The following DHX36 variants were observed in gnomAD, a reference collection of about 807,000 sequenced individuals.
DHX36 encodes ATP-dependent DNA/RNA helicase DHX36.
Under a neutral mutation model 139.0 loss-of-function variants are expected in DHX36, and 50 were observed. The ratio of observed to expected loss-of-function variants is 0.36; its 90% CI spans 0.29 to 0.46. The LOEUF is 0.46. Among genes scored for constraint, DHX36 ranks in the 20% least tolerant of loss-of-function variants. The pLI is 1.00. For synonymous variants in DHX36, 425 were observed against 401.9 expected (o/e 1.06, Z -0.69); for missense variants, 1,024 against 1,211.3 (o/e 0.85, Z 2.29).
At chr3:154,319,028 T>C (rs1713092047) in intron 1 of DHX36, 1 of 152,178 alleles carries the variant, frequency 6.6e-6, no homozygotes, top group African/African-American at 2.4e-5. Context: ...GTATTTTTAA[T>C]GATGTTCTCC....
chr3:154,300,677 C>T lies in DHX36; in HGVS notation c.1378G>A (p.Asp460Asn), dbSNP rs1308350099. ...LRRRYSASTV[D>N]VIEMMEDDKV... ...TCATCCTCCATCATTTCTATAACAT[C>T]TACAGTACTTGCAGAATACCTATCA... Residue 460 changes from aspartate (D) to asparagine (N), a missense_variant, in exon 11 of 25, where the codon GAT becomes AAT. This residue lies in a region of DHX36 where 115 missense variants were observed against 105.6 expected (regional missense o/e 1.09). Coordinates refer to ENST00000496811, the MANE Select transcript of DHX36 (RefSeq NM_020865.3). The T allele has an allele frequency of 1.9e-6, 3 of 1,613,148 alleles. No homozygotes were observed. Among genetic ancestry groups the T allele is most frequent in the Non-Finnish European group, 2.5e-6 (3 of 1,179,278 alleles).
intron 12 of DHX36, among the ~76,000 whole-genome samples, chr3:154,296,980 C>T (rs981333795): frequency 6.6e-6 from 1 of 152,026 alleles, no homozygotes; most frequent in Non-Finnish European, 1.5e-5. Context: ...ATATAACTTT[C>T]GAGTTACAGG....
chr3:154,296,839 G>A (rs1202599630), intron 12 of DHX36, among the ~76,000 whole-genome samples: 1 of 152,158 alleles, frequency 6.6e-6, no homozygotes, highest in African/African-American at 2.4e-5. Context: ...AAAATAAAAA[G>A]TAGTGAACAG....
chr3:154,280,451 TA>T, intron 22 of DHX36, 127 bp downstream of exon 22: 1 of 681,172 alleles, frequency 1.5e-6, no homozygotes, highest in African/African-American at 1.8e-5. Context: ...CTGAAATGAT[TA>T]AAAGAACAAG....
intron 19 of DHX36, 42 bp from the exon 20 acceptor site, chr3:154,283,313 A>C (rs1719387277): frequency 1.5e-6 from 2 of 1,344,304 alleles, no homozygotes; most frequent in East Asian, 4.6e-5. Context: ...TTCTCCCGCA[A>C]ACAAAGATTA....
intron 14 of DHX36, among the ~76,000 whole-genome samples, 184 bp downstream of exon 14, chr3:154,293,564 A>G (rs1227557889): frequency 1.4e-4 from 21 of 152,248 alleles, no homozygotes. Flanking sequence ...CATGGGTGAC[A>G]GAATGAGACC....
rs1366189202 is a variant in DHX36 at position 154,309,704 on chromosome 3, T to C, written c.762A>G (p.Gly254=). 2 of 1,613,176 alleles carry C rather than the reference T, an allele frequency of 1.2e-6. No homozygotes were observed. Among genetic ancestry groups the C allele is most frequent in the South Asian group, 2.2e-5 (2 of 90,840 alleles). Residue 254 remains glycine (G), a synonymous_variant, in exon 5 of 25, where the codon GGA becomes GGG. Transcript: ENST00000496811. ...ILDNYIERGK[G]SACRIVCTQP... ...GAGTACAAACTATTCTGCAAGCAGA[T>C]CCTTTTCCTCTTTCAATGTAGTTAT...
chr3:154,303,214 G>GA (rs1317628614), intron 9 of DHX36, 115 bp downstream of exon 9: 1 of 758,656 alleles, frequency 1.3e-6, no homozygotes, highest in African/African-American at 1.8e-5. Flanking sequence ...CTAATTCCCA[G>GA]AAAAATGTTT....
rs772599780 is a variant in DHX36 at position 154,292,711 on chromosome 3, T to C, written c.1671-17A>G. On this transcript the variant is annotated splice_polypyrimidine_tract_variant and intron_variant, in intron 14 of 24. Transcript: ENST00000496811. ...ATGGTAATGCTGTTTGGAAAACAGA[T>C]ATATAAAATGTTAAAACACACACAC... The C allele has an allele frequency of 3.1e-6, 5 of 1,603,374 alleles. No homozygotes were observed. The East Asian group carries it at 6.8e-5, about 22-fold the overall frequency.
At chr3:154,321,376 A>G (rs1445138924) in intron 1 of DHX36, among the ~76,000 whole-genome samples, 2 of 152,166 alleles carry the variant, frequency 1.3e-5, no homozygotes, top group African/African-American at 4.8e-5. Context: ...CCAAACCCCA[A>G]ACTTCAAACA....
At position 154,273,122 on chromosome 3, in the gene DHX36, A is replaced by G. The variant is rs1466137522; in HGVS notation, c.*3049T>C. 1 of 152,150 alleles carries G rather than the reference A, an allele frequency of 6.6e-6. No individual in the cohort carries two copies. Among genetic ancestry groups the G allele is most frequent in the African/African-American group, 2.4e-5 (1 of 41,450 alleles). 9.4% of individuals were successfully genotyped at this position (152,150 alleles called of 1,614,324 possible). A position where few individuals can be genotyped will look rare whatever the true frequency, so the allele number is the denominator to read the frequency against. On this transcript the variant is annotated 3_prime_UTR_variant, in exon 25 of 25. Coordinates refer to ENST00000496811, the MANE Select transcript of DHX36 (RefSeq NM_020865.3). ...TCTGCATTACTCAAAATGATGAATC[A>G]AACAGATTTTCCTTCTTAATTTAAT... is the stretch of plus-strand genomic sequence containing the variant.
At chr3:154,292,757 ACAC>A (rs1711876730) in intron 14 of DHX36, 63 bp from the exon 15 acceptor site, 1 of 1,391,538 alleles carries the variant, frequency 7.2e-7, no homozygotes, top group South Asian at 1.4e-5. Context: ...ACACACACAC[ACAC>A]ATCGAAAGCA....
chr3:154,301,029 T>C lies in DHX36; in HGVS notation c.1316A>G (p.Tyr439Cys), dbSNP rs1186038497. 1 of 1,613,444 alleles carries C rather than the reference T, an allele frequency of 6.2e-7. No individual in the cohort carries two copies. Among genetic ancestry groups the C allele is most frequent in the Non-Finnish European group, 8.5e-7 (1 of 1,179,914 alleles). ...RQEKEEKEAI[Y>C]KERWPDYVRE... is the part of the protein sequence containing the mutation. ...TACATAATCTGGCCAACGTTCTTTATATATTGCTTCTTTTTCTTCTTTTTC... is the reference window on the plus strand; with the variant it reads ...TACATAATCTGGCCAACGTTCTTTACATATTGCTTCTTTTTCTTCTTTTTC... Residue 439 changes from tyrosine (Y) to cysteine (C), a missense_variant, in exon 10 of 25, where the codon TAT (tyrosine) becomes TGT (cysteine). Physicochemically the swap from Tyr to Cys is radical, Grantham distance 194. Around this residue, in one of 4 missense-constraint regions of DHX36, gnomAD observed 115 missense variants for 105.6 expected, o/e 1.09. Transcript: ENST00000496811.
rs553514556 is a variant in DHX36, at chr3:154,272,934, T to C, written c.*3237A>G. The C allele has an allele frequency of 4.5e-4, 69 of 152,294 alleles. No individual in the cohort carries two copies. Among genetic ancestry groups the C allele is most frequent in the African/African-American group, 1.5e-3 (63 of 41,582 alleles). The allele number at this position is 152,294 out of a possible 1,614,324, so 9.4% of individuals were successfully genotyped here. A position where few individuals can be genotyped will look rare whatever the true frequency, so the allele number is the denominator to read the frequency against. ...AGTAATAGAGAATGCCTTGCAACAA[T>C]TGGTGTAAGTTTATCTAGAGCTTTT... On this transcript the variant is annotated 3_prime_UTR_variant, in exon 25 of 25. Transcript: ENST00000496811.
At chr3:154,276,639 T>C in intron 24 of DHX36, 108 bp downstream of exon 24, 1 of 1,244,792 alleles carries the variant, frequency 8.0e-7, no homozygotes, top group Non-Finnish European at 1.1e-6. Context: ...TTATTTGCTC[T>C]GCTGAAATAG....
At chr3:154,297,074 T>C (rs1712073123) in intron 12 of DHX36, among the ~76,000 whole-genome samples, 1 of 152,178 alleles carries the variant, frequency 6.6e-6, no homozygotes, top group South Asian at 2.1e-4. Context: ...AGAGAACAAA[T>C]GGCCTGGTCT....
At position 154,280,596 on chromosome 3, in the gene DHX36, C is replaced by T; in HGVS notation, c.2550G>A (p.Leu850=). Residue 850 remains leucine (L), a synonymous_variant, in exon 22 of 25, where the codon TTG becomes TTA. Transcript: ENST00000496811. ...ATGCTTACATTTTTCTTTTTTTACC[C>T]AAATTTAGTCGAATTTTAGCAACTT... The part of the protein sequence containing the change: ...YPKVAKIRLN[L]GKKRKMVKVY... The T allele has an allele frequency of 6.2e-7, 1 of 1,610,026 alleles. No individual in the cohort carries two copies. The highest frequency in any genetic ancestry group is 8.5e-7 in the Non-Finnish European group (1 of 1,178,386).
rs528980626 is a variant in DHX36, at chr3:154,285,064, A to G, written c.2032-77T>C. 7 of 1,449,838 alleles carry G rather than the reference A, an allele frequency of 4.8e-6. No homozygotes were observed. The East Asian group carries it at 1.1e-4, about 24-fold the overall frequency. The allele number at this position is 1,449,838 out of a possible 1,614,324, so 89.8% of individuals were successfully genotyped here. A position where few individuals can be genotyped will look rare whatever the true frequency, so the allele number is the denominator to read the frequency against. Reference sequence around the variant, plus strand: ...AAAACGATTTTAGCTTGCTTTAAAAAGAGTAACAAGCCACTACTCTCTCTT... The same window carrying G: ...AAAACGATTTTAGCTTGCTTTAAAAGGAGTAACAAGCCACTACTCTCTCTT... On this transcript the variant is annotated intron_variant, in intron 17 of 24. Transcript: ENST00000496811.
chr3:154,298,706 G>A (rs181602016), intron 12 of DHX36, among the ~76,000 whole-genome samples: 1 of 151,638 alleles, frequency 6.6e-6, no homozygotes, highest in Admixed American at 6.6e-5. Context: ...ACAAGGTCAG[G>A]AGATCAAGAC....
Sources: gnomAD v4.1 joint callset for allele counts (sites outside exome capture counted in the v4.1 genomes callset) on GRCh38, gnomAD v4.1.1 for gene constraint, gnomAD v4.1.1 regional missense constraint, MANE v1.5 for transcripts, NCBI Gene and HGNC (gene_info 2026-07-23, HGNC 2026-07-21) for gene names.